AR: variants seen among roughly 807,000 people sequenced by gnomAD.
AR encodes the protein dihydrotestosterone receptor.
A neutral mutation model predicts 53.9 loss-of-function variants in AR; 8 were observed. The ratio of observed to expected loss-of-function variants is 0.15; its 90% confidence interval spans 0.09 to 0.27. The LOEUF (loss-of-function observed/expected upper bound fraction) is 0.27. AR is among the 10% of genes least tolerant of loss of function. The pLI, the probability that AR is intolerant of heterozygous loss-of-function variation, is 1.00. For synonymous variants in AR, 359 were observed against 316.4 expected, an observed-to-expected ratio of 1.13 and a Z score of -1.43; for missense variants, 639 against 742.5, an observed-to-expected ratio of 0.86 and a Z score of 1.62.
intron 1 of AR, among the ~76,000 whole-genome samples, chrX:67,595,865 A>G (rs1424151470): frequency 6.3e-5 from 7 of 111,533 alleles, no homozygotes; most frequent in Admixed American, 5.7e-4. Context: ...AAAAGCTTAT[A>G]AATGTATGAA....
At chrX:67,652,985 G>A (rs937343852) in intron 2 of AR, among the ~76,000 whole-genome samples, 6 of 111,563 alleles carry the variant, frequency 5.4e-5, no homozygotes, top group African/African-American at 1.6e-4. Context: ...CAGAATACCA[G>A]TCTTGTCTTT....
chrX:67,565,422 G>A (rs1921514840), intron 1 of AR, among the ~76,000 whole-genome samples: 1 of 111,717 alleles, frequency 9.0e-6, no homozygotes, highest in East Asian at 2.8e-4. Flanking sequence ...CTTTGTTATA[G>A]TTAGTTGGTA....
At chrX:67,591,503 G>A (rs777835142) in intron 1 of AR, among the ~76,000 whole-genome samples, 3 of 111,313 alleles carry the variant, frequency 2.7e-5, no homozygotes, top group South Asian at 3.8e-4. Flanking sequence ...CCTCCATTGC[G>A]GATGAAAGCT....
At chrX:67,695,925 T>C (rs1602262194) in intron 3 of AR, 1 of 751,595 alleles carries the variant, frequency 1.3e-6, no homozygotes, top group Non-Finnish European at 1.6e-6. Flanking sequence ...TTCCCCCTTC[T>C]CAGGGCAGAA....
intron 1 of AR, among the ~76,000 whole-genome samples, chrX:67,595,929 G>T (rs1212486198): frequency 1.8e-5 from 2 of 111,750 alleles, no homozygotes; most frequent in Non-Finnish European, 3.8e-5. Flanking sequence ...CCCAAATTTG[G>T]TTTTGAATTG....
chrX:67,689,735 A>G (rs1483273452), intron 3 of AR: 2 of 837,701 alleles, frequency 2.4e-6, no homozygotes, highest in East Asian at 2.1e-4. Flanking sequence ...ACGAATTTAA[A>G]TCCCTTGACT....
In AR at chrX:67,667,346, G is replaced by T. The variant is rs913115404; in HGVS notation, c.1769-18664G>T. ...TCTAATATACGTTCTTGGCACCTTT[G>T]TTGAAAATAAGTTCACTGTAGATGT... is the stretch of plus-strand genomic sequence containing the variant. On this transcript the variant is annotated intron_variant, in intron 2 of 7. Transcript: ENST00000374690. 3.6e-5 allele frequency among the ~76,000 whole-genome samples: 4 copies of T among 111,526 alleles called. No homozygotes were observed. The East Asian group carries it at 1.1e-3, about 31-fold the overall frequency.
intron 1 of AR, among the ~76,000 whole-genome samples, chrX:67,593,606 TC>T (rs1922942173): frequency 8.9e-6 from 1 of 111,773 alleles, no homozygotes; most frequent in Admixed American, 9.5e-5. Context: ...CGCCTTGCCC[TC>T]CCAAAGTGCT....
chrX:67,591,208 G>A (rs191805370), intron 1 of AR, among the ~76,000 whole-genome samples: 41 of 111,302 alleles, frequency 3.7e-4, no homozygotes, highest in African/African-American at 1.3e-3. Flanking sequence ...CTAGAAAAGC[G>A]ACCTGTCAAC....
rs374393781 is a variant in AR at position 67,698,544 on chromosome X, T to C, written c.1885+12418T>C. ...GGTATTTGAGTTTATGACTTTTAGA[T>C]TTAAGCATTGCAATATATAAGCACT... is the stretch of plus-strand genomic sequence containing the variant. On this transcript the variant is annotated intron_variant, in intron 3 of 7. Coordinates refer to ENST00000374690, the MANE Select transcript of AR (RefSeq NM_000044.6). Among the ~76,000 whole-genome samples the C allele has an allele frequency of 8.9e-5, 10 of 112,919 alleles. No homozygotes were observed. In the South Asian group the frequency reaches 3.7e-3, roughly 41 times the overall value.
At chrX:67,699,952 G>A (rs1014485718) in intron 3 of AR, among the ~76,000 whole-genome samples, 1 of 111,422 alleles carries the variant, frequency 9.0e-6, no homozygotes, top group African/African-American at 3.3e-5. Context: ...TCCTCCCTAG[G>A]AATGATCCAT....
At chrX:67,707,012 A>T (rs185135385) in intron 3 of AR, among the ~76,000 whole-genome samples, 36 of 111,867 alleles carry the variant, frequency 3.2e-4, no homozygotes, top group Non-Finnish European at 6.0e-4. Flanking sequence ...GGTCTGAGAG[A>T]CAGTTTGTTA....
At chrX:67,563,374 C>T (rs913226890) in intron 1 of AR, among the ~76,000 whole-genome samples, 1 of 111,777 alleles carries the variant, frequency 8.9e-6, no homozygotes, top group African/African-American at 3.3e-5. Flanking sequence ...TTCTTCATTT[C>T]TAAAATGAAG....
chrX:67,577,401 C>CT (rs956065967), intron 1 of AR, among the ~76,000 whole-genome samples: 7 of 110,867 alleles, frequency 6.3e-5, no homozygotes, highest in East Asian at 2.8e-4. Context: ...TGTTTTCATC[C>CT]TTTTTTTAGC....
At chrX:67,626,436 CT>C (rs1233324601) in intron 1 of AR, among the ~76,000 whole-genome samples, 630 of 46,810 alleles carry the variant, frequency 0.013, 10 homozygotes, top group African/African-American at 0.043. Context: ...CAGGCTCTCT[CT>C]TTTTTTTTTT....
At chrX:67,637,441 C>A (rs1925495427) in intron 1 of AR, among the ~76,000 whole-genome samples, 1 of 103,935 alleles carries the variant, frequency 9.6e-6, no homozygotes, top group East Asian at 3.2e-4. Flanking sequence ...GGTTTTTTGT[C>A]CTTGCCATAG....
intron 1 of AR, among the ~76,000 whole-genome samples, chrX:67,624,904 CAAAAAAAA>C (rs140323582): frequency 8.2e-4 from 15 of 18,182 alleles, no homozygotes; most frequent in Admixed American, 3.8e-3. Context: ...GGCAATTAGG[CAAAAAAAA>C]AAAAAAAAAA....
intron 1 of AR, among the ~76,000 whole-genome samples, chrX:67,581,794 A>G (rs1922309254): frequency 8.9e-6 from 1 of 111,815 alleles, no homozygotes; most frequent in Admixed American, 9.5e-5. Context: ...AGCAGCATCC[A>G]TAAGGTTTTC....
At chrX:67,706,305 AT>A (rs1338738930) in intron 3 of AR, among the ~76,000 whole-genome samples, 1 of 111,634 alleles carries the variant, frequency 9.0e-6, no homozygotes, top group Non-Finnish European at 1.9e-5. Flanking sequence ...TAAGCTATTA[AT>A]TATTGCCTCA....
Sources: gnomAD v4.1 joint callset for allele counts (sites outside exome capture counted in the v4.1 genomes callset) on GRCh38, gnomAD v4.1.1 for gene constraint, MANE v1.5 for transcripts, NCBI Gene and HGNC (gene_info 2026-07-23, HGNC 2026-07-21) for gene names.